EMSY: variants seen among roughly 807,000 people sequenced by gnomAD.
EMSY encodes the protein BRCA2-interacting transcriptional repressor EMSY.
In EMSY, 26 loss-of-function variants were observed where a neutral mutation model predicts 134.6. The observed-to-expected ratio is 0.19, with a 90% CI of 0.14 to 0.27. The LOEUF (loss-of-function observed/expected upper bound fraction) is 0.27, where lower values mean the gene tolerates loss of function less well. Ranked by LOEUF, EMSY falls within the 10% of genes least tolerant of loss-of-function variation. The pLI is 1.00. For missense variants in EMSY, 1,305 were observed against 1,611.4 expected (o/e 0.81, Z 3.26); for synonymous variants, 579 against 577.8 (o/e 1.00, Z -0.03).
At chr11:76,543,442 G>A (rs997588485) in intron 18 of EMSY, among the ~76,000 whole-genome samples, 5 of 152,204 alleles carry the variant, frequency 3.3e-5, no homozygotes, top group African/African-American at 1.2e-4. Flanking sequence ...CTGGCTGGAG[G>A]TTTTGTTGGG....
intron 18 of EMSY, among the ~76,000 whole-genome samples, chr11:76,543,765 G>T (rs960387360): frequency 2.0e-5 from 3 of 152,248 alleles, no homozygotes; most frequent in Non-Finnish European, 4.4e-5. Flanking sequence ...CCATGCAGGG[G>T]GCTCTCTGTG....
intron 17 of EMSY, among the ~76,000 whole-genome samples, chr11:76,539,886 C>T (rs1337230284): frequency 6.6e-6 from 1 of 152,064 alleles, no homozygotes; most frequent in African/African-American, 2.4e-5. Flanking sequence ...TTTATATGGC[C>T]CAGTTAAGGT....
At position 76,544,906 on chromosome 11, in the gene EMSY, T is replaced by G. The variant is rs1159423085; in HGVS notation, c.3273+84T>G. On this transcript the variant is annotated intron_variant, in intron 19 of 20. Transcript: ENST00000334736. ...AGAACATCACGACCCTATCATGATA[T>G]CAGTGCTTTCTCCTGGCAAGAGGAA... The G allele has an allele frequency of 2.2e-5, 31 of 1,406,202 alleles. No individual in the cohort carries two copies. The South Asian group carries it at 4.2e-4, about 19-fold the overall frequency. The allele number at this position is 1,406,202 out of a possible 1,614,324, so 87.1% of individuals were successfully genotyped here.
In EMSY at chr11:76,476,874, T is replaced by C. The variant is rs140111672; in HGVS notation, c.1108+4034T>C. ...TTACTACTGTATTGGTCATTGTTTC[T>C]GCATTTTATTGGTGGATAGAGCTAC... On this transcript the variant is annotated intron_variant, in intron 8 of 20. Transcript: ENST00000334736. Among the ~76,000 whole-genome samples the C allele has an allele frequency of 2.3e-3, 350 of 152,318 alleles. 1 individual carries two copies. Among genetic ancestry groups the C allele is most frequent in the African/African-American group, 8.0e-3 (334 of 41,592 alleles).
chr11:76,539,846 T>C (rs1951366839), intron 17 of EMSY, among the ~76,000 whole-genome samples: 1 of 152,230 alleles, frequency 6.6e-6, no homozygotes, highest in African/African-American at 2.4e-5. Context: ...AAGAGTTCTT[T>C]AAAATAATAA....
intron 20 of EMSY, among the ~76,000 whole-genome samples, chr11:76,548,981 G>T (rs1376353482): frequency 1.3e-5 from 2 of 152,190 alleles, no homozygotes; most frequent in East Asian, 1.9e-4. Flanking sequence ...CAAGATCTGT[G>T]CTCTGTCCAC....
In EMSY at chr11:76,453,295, T is replaced by C; in HGVS notation, c.171-19T>C. The C allele has an allele frequency of 1.2e-6, 2 of 1,609,628 alleles. No homozygotes were observed. Among genetic ancestry groups the C allele is most frequent in the Non-Finnish European group, 8.5e-7 (1 of 1,177,162 alleles). On this transcript the variant is annotated intron_variant, in intron 3 of 20. Transcript: ENST00000334736. ...CTGCCTGCTTGGCAGAGTTCTATAA[T>C]GGCTATTTTTCTTCATAGCATCTCA...
chr11:76,481,884 C>G (rs1474875991), intron 8 of EMSY, among the ~76,000 whole-genome samples: 2 of 152,182 alleles, frequency 1.3e-5, no homozygotes, highest in Non-Finnish European at 2.9e-5. Context: ...CCCAGCACAA[C>G]ATTTGAGCTC....
exon 13 of EMSY, chr11:76,526,588 A>G: frequency 6.2e-7 from 1 of 1,613,652 alleles, no homozygotes; most frequent in East Asian, 2.2e-5. Flanking sequence ...ACCAGCAGCT[A>G]AAATCATCCC....
intron 7 of EMSY, among the ~76,000 whole-genome samples, chr11:76,469,904 T>C (rs1371694286): frequency 6.6e-6 from 1 of 152,224 alleles, no homozygotes; most frequent in African/African-American, 2.4e-5. Context: ...GCTGATCAAG[T>C]CTATCTATAA....
chr11:76,480,880 C>A (rs964868403), intron 8 of EMSY, among the ~76,000 whole-genome samples: 1 of 152,230 alleles, frequency 6.6e-6, no homozygotes, highest in Admixed American at 6.5e-5. Flanking sequence ...ACAGTGCATT[C>A]AGGCCCAGAT....
chr11:76,471,735 G>T (rs1270070354), intron 7 of EMSY, among the ~76,000 whole-genome samples: 1 of 152,136 alleles, frequency 6.6e-6, no homozygotes, highest in Non-Finnish European at 1.5e-5. Context: ...CATATAAAGG[G>T]TATATACTGT....
At chr11:76,536,153 T>G in intron 15 of EMSY, 94 bp downstream of exon 16, 1 of 778,382 alleles carries the variant, frequency 1.3e-6, no homozygotes, top group Non-Finnish European at 1.7e-6. Flanking sequence ...TTATTACTAT[T>G]ATTTATTATT....
At chr11:76,521,941 T>A (rs1950652726) in intron 11 of EMSY, among the ~76,000 whole-genome samples, 1 of 151,888 alleles carries the variant, frequency 6.6e-6, no homozygotes, top group South Asian at 2.1e-4. Context: ...GGAGGACCAC[T>A]TGAGCTCAGA....
At chr11:76,523,566 C>T (rs545684261) in intron 12 of EMSY, among the ~76,000 whole-genome samples, 1 of 152,262 alleles carries the variant, frequency 6.6e-6, no homozygotes, top group African/African-American at 2.4e-5. Flanking sequence ...ATTGGCTTAA[C>T]TGTAGGGGGA....
At chr11:76,540,392 CT>C (rs1951390748) in intron 17 of EMSY, among the ~76,000 whole-genome samples, 1 of 152,074 alleles carries the variant, frequency 6.6e-6, no homozygotes, top group Non-Finnish European at 1.5e-5. Flanking sequence ...CCTTGACTAT[CT>C]TTTTTTCGAT....
At chr11:76,546,214 G>T in exon 20 of EMSY, 1 of 1,614,176 alleles carries the variant, frequency 6.2e-7, no homozygotes, top group Non-Finnish European at 8.5e-7. Context: ...TCCACCAGCA[G>T]TGCCTGCGAC....
chr11:76,528,194 T>G (rs1166405126), intron 13 of EMSY, 74 bp from the exon 15 acceptor site: 1 of 1,326,376 alleles, frequency 7.5e-7, no homozygotes, highest in Admixed American at 1.9e-5. Flanking sequence ...AATATTAGTT[T>G]ATGACCTAGA....
At chr11:76,459,564 T>A (rs1026503341) in intron 5 of EMSY, 5 of 165,024 alleles carry the variant, frequency 3.0e-5, no homozygotes, top group African/African-American at 1.2e-4. Flanking sequence ...ACCCATATCA[T>A]TGGTGCTGCT....
Sources: gnomAD v4.1 joint callset for allele counts (sites outside exome capture counted in the v4.1 genomes callset) on GRCh38, gnomAD v4.1.1 for gene constraint, MANE v1.5 for transcripts, NCBI Gene and HGNC (gene_info 2026-07-23, HGNC 2026-07-21) for gene names.